ARSG: variants seen among roughly 807,000 people sequenced by gnomAD.
The protein encoded by ARSG is ASG.
In ARSG, 37 loss-of-function variants were observed where a neutral mutation model predicts 50.5. That is an observed-to-expected ratio of 0.73 (90% CI 0.56 to 0.96). The LOEUF is 0.96. ARSG is among the 50% of genes least tolerant of loss of function. ARSG has a pLI of 0.00. For synonymous variants in ARSG, 225 were observed against 254.6 expected (o/e 0.88, Z 1.11); for missense variants, 629 against 675.3 (o/e 0.93, Z 0.76).
intron 2 of ARSG, among the ~76,000 whole-genome samples, chr17:68,323,143 T>G (rs11651213): frequency 0.52 from 79,596 of 151,760 alleles, 21,425 homozygotes; most frequent in African/African-American, 0.56. Context: ...GATTTCGAAT[T>G]AACATCTAGT....
intron 6 of ARSG, chr17:68,359,600 A>G (rs2079190711): frequency 6.6e-6 from 1 of 152,180 alleles, no homozygotes; most frequent in South Asian, 2.1e-4. Flanking sequence ...GGGCAGAATT[A>G]AAAAGGGACT....
chr17:68,353,907 G>A (rs9893045), intron 5 of ARSG, among the ~76,000 whole-genome samples: 3,308 of 151,850 alleles, frequency 0.022, 132 homozygotes, highest in African/African-American at 0.075. Flanking sequence ...TCACCGTGTT[G>A]GCCAAGCTGG....
intron 10 of ARSG, chr17:68,400,359 C>T (rs1160718265): frequency 6.6e-6 from 1 of 152,174 alleles, no homozygotes; most frequent in Non-Finnish European, 1.5e-5. Flanking sequence ...TTTCCTCAGT[C>T]CAAATATAGT....
chr17:68,270,001 C>T (rs778098581), intron 1 of ARSG, among the ~76,000 whole-genome samples: 1 of 151,980 alleles, frequency 6.6e-6, no homozygotes, highest in Non-Finnish European at 1.5e-5. Flanking sequence ...ACAGGGGGTA[C>T]GATTTCTAAT....
At chr17:68,352,157 G>C (rs28469827) in intron 5 of ARSG, among the ~76,000 whole-genome samples, 9 of 68,928 alleles carry the variant, frequency 1.3e-4, no homozygotes, top group East Asian at 9.5e-4. Context: ...GAGAGAGAGA[G>C]AGAGACAGAG....
chr17:68,432,752 T>G, the ARSG span, among the ~76,000 whole-genome samples: 4 of 152,036 alleles, frequency 2.6e-5, no homozygotes, highest in East Asian at 7.7e-4. Flanking sequence ...GATCCTGCCT[T>G]TCTCTGCAGG....
chr17:68,443,884 A>T, the ARSG span, among the ~76,000 whole-genome samples: 3 of 152,210 alleles, frequency 2.0e-5, no homozygotes, highest in African/African-American at 4.8e-5. Context: ...GTTTACTCCT[A>T]GCTTGATGAA....
chr17:68,353,869 GT>G (rs2078910529), intron 5 of ARSG, among the ~76,000 whole-genome samples: 1 of 151,644 alleles, frequency 6.6e-6, no homozygotes, highest in Non-Finnish European at 1.5e-5. Context: ...GCCTGGCTGA[GT>G]TTTGTATTTT....
At chr17:68,270,181 A>G (rs781949500) in intron 1 of ARSG, among the ~76,000 whole-genome samples, 4 of 152,168 alleles carry the variant, frequency 2.6e-5, no homozygotes, top group Non-Finnish European at 5.9e-5. Context: ...CATTAGTTCT[A>G]TCATTCCAAA....
chr17:68,397,897 G>T (rs59034241), intron 10 of ARSG, among the ~76,000 whole-genome samples: 63,386 of 151,890 alleles, frequency 0.42, 14,108 homozygotes, highest in Admixed American at 0.54. Context: ...CTCCCAAGTA[G>T]CTGGTATTAC....
intron 8 of ARSG, among the ~76,000 whole-genome samples, 153 bp from the exon 9 acceptor site, chr17:68,384,911 A>G (rs1050898691): frequency 1.3e-5 from 2 of 152,220 alleles, no homozygotes; most frequent in African/African-American, 4.8e-5. Flanking sequence ...GATACTAGCT[A>G]GTTGAGGGAA....
rs1327158003 is a variant in ARSG, at chr17:68,381,881, C to A, written c.983-3183C>A. 6.6e-6 allele frequency among the ~76,000 whole-genome samples: 1 copy of A among 152,108 alleles called. No individual in the cohort carries two copies. Among genetic ancestry groups the A allele is most frequent in the African/African-American group, 2.4e-5 (1 of 41,406 alleles). On this transcript the variant is annotated intron_variant, in intron 8 of 11. Transcript: ENST00000621439. The surrounding 1 kb of genome is among the most constrained non-coding windows in gnomAD (Gnocchi z 4.1). ...ATACATATTCAAAATGGAACCACCTCCCTAGGTTTAGTGAGTGAGGGTGCT... is the reference window on the plus strand; with the variant it reads ...ATACATATTCAAAATGGAACCACCTACCTAGGTTTAGTGAGTGAGGGTGCT...
At chr17:68,391,182 G>A (rs115970584) in intron 9 of ARSG, among the ~76,000 whole-genome samples, 8,029 of 152,112 alleles carry the variant, frequency 0.053, 420 homozygotes, top group East Asian at 0.13. Context: ...CTTTCTTCAA[G>A]TTCTCATGTA....
At chr17:68,400,423 T>G (rs927679661) in intron 10 of ARSG, 3 of 152,262 alleles carry the variant, frequency 2.0e-5, no homozygotes, top group African/African-American at 7.2e-5. Flanking sequence ...CTGTGCCCGA[T>G]TCTGCGGAAA....
chr17:68,426,245 GGAGC>G, downstream of ARSG: 23 of 948,196 alleles, frequency 2.4e-5, no homozygotes, highest in Non-Finnish European at 2.7e-5. Context: ...TGGCGGGTGG[GGAGC>G]GGGGGCTCAA....
chr17:68,439,356 A>T, the ARSG span, among the ~76,000 whole-genome samples: 3 of 152,228 alleles, frequency 2.0e-5, no homozygotes, highest in Non-Finnish European at 4.4e-5. Context: ...ACATTAGGCT[A>T]TGTGAAAGAA....
At chr17:68,430,271 T>C in the ARSG span, 1 of 1,112,024 alleles carries the variant, frequency 9.0e-7, no homozygotes, top group South Asian at 1.5e-5. Flanking sequence ...AGGGAGAGAC[T>C]GTGCCTTAGC....
chr17:68,299,262 G>A lies in ARSG; in HGVS notation c.-551-7681G>A, dbSNP rs376650586. On this transcript the variant is annotated intron_variant, in intron 1 of 11. Transcript: ENST00000621439. The stretch of plus-strand genomic sequence containing the variant: ...CAGGATTACAGGCGCCCACCACCAC[G>A]CCCGGCTAATTTTTATATTTTTAGT... Among the ~76,000 whole-genome samples the A allele has an allele frequency of 2.0e-4, 31 of 151,750 alleles. No individual in the cohort carries two copies. In the East Asian group the frequency reaches 5.0e-3, roughly 25 times the overall value.
At chr17:68,430,036 A>G in the ARSG span, 2 of 1,614,188 alleles carry the variant, frequency 1.2e-6, no homozygotes, top group Non-Finnish European at 1.7e-6. Context: ...GAGAAGTTCA[A>G]GCGTGCAGTG....
Sources: allele counts gnomAD v4.1 joint callset (sites outside exome capture counted in the v4.1 genomes callset), GRCh38; gene constraint gnomAD v4.1.1; non-coding constraint Gnocchi (gnomAD v3.1); transcripts MANE v1.5; gene names NCBI Gene and HGNC (gene_info 2026-07-23, HGNC 2026-07-21).